The following HDAC9 variants were observed in gnomAD, a reference collection of about 807,000 sequenced individuals.
The protein encoded by HDAC9 is histone deacetylase 9.
HDAC9 carries 41 observed loss-of-function variants against 139.4 expected under a neutral mutation model. That is an observed-to-expected ratio of 0.29 (90% CI 0.23 to 0.38). HDAC9 has a LOEUF of 0.38. Among genes scored for constraint, HDAC9 ranks in the 10% least tolerant of loss-of-function variants. HDAC9 has a pLI of 1.00. For synonymous variants in HDAC9, 517 were observed against 476.2 expected (o/e 1.09, Z -1.12); for missense variants, 1,147 against 1,297.0 (o/e 0.88, Z 1.78).
At chr7:18,423,539 A>G (rs1789837504) in intron 1 of HDAC9, among the ~76,000 whole-genome samples, 1 of 152,246 alleles carries the variant, frequency 6.6e-6, no homozygotes. Flanking sequence ...ATAGTGACAT[A>G]AAACACAACT....
At chr7:18,232,863 A>G (rs991817149) in intron 2 of HDAC9, among the ~76,000 whole-genome samples, 3 of 152,162 alleles carry the variant, frequency 2.0e-5, no homozygotes, top group African/African-American at 7.2e-5. Context: ...TAAATCCACT[A>G]TTATCATTCT....
intron 1 of HDAC9, among the ~76,000 whole-genome samples, chr7:18,400,720 C>T (rs1300270302): frequency 6.6e-6 from 1 of 152,154 alleles, no homozygotes; most frequent in Non-Finnish European, 1.5e-5. Context: ...TAGGACTCTA[C>T]TGGATAGGAG....
intron 5 of HDAC9, 67 bp from the exon 6 acceptor site, chr7:18,593,841 G>A: frequency 6.4e-7 from 1 of 1,558,140 alleles, no homozygotes; most frequent in African/African-American, 1.4e-5. Context: ...GTGTGCAGCT[G>A]ATTATTGCTG....
intron 2 of HDAC9, among the ~76,000 whole-genome samples, chr7:18,193,175 G>T (rs997943701): frequency 6.6e-6 from 1 of 152,110 alleles, no homozygotes; most frequent in Admixed American, 6.6e-5. Context: ...ATGGGTAGTT[G>T]GTGCTTGTAA....
intron 2 of HDAC9, among the ~76,000 whole-genome samples, chr7:18,183,195 G>A (rs1789620104): frequency 6.7e-6 from 1 of 149,374 alleles, no homozygotes; most frequent in Non-Finnish European, 1.5e-5. Context: ...ATTTTTAGTA[G>A]AGACGGGGTT....
chr7:18,547,720 A>G (rs1309400449), intron 2 of HDAC9, among the ~76,000 whole-genome samples: 1 of 152,114 alleles, frequency 6.6e-6, no homozygotes, highest in African/African-American at 2.4e-5. Flanking sequence ...TTATCAGCTA[A>G]GTTTATGTAA....
intron 2 of HDAC9, among the ~76,000 whole-genome samples, chr7:18,162,841 A>G (rs1787736139): frequency 6.6e-6 from 1 of 152,092 alleles, no homozygotes; most frequent in African/African-American, 2.4e-5. Context: ...ATTTAATTAT[A>G]ATCTCAGCAC....
chr7:18,139,279 C>T (rs1249293816), intron 1 of HDAC9, among the ~76,000 whole-genome samples: 2 of 151,900 alleles, frequency 1.3e-5, no homozygotes, highest in Non-Finnish European at 2.9e-5. Flanking sequence ...GCATGTGTCA[C>T]CACGACTGGC....
rs752796141 is a variant in HDAC9, at chr7:18,835,590, C to T, written c.2586+4C>T. On this transcript the variant is annotated splice_donor_region_variant and intron_variant, in intron 20 of 25. Transcript: ENST00000686413. ...TGGCAGTGGAGCCCCAAATGAGGTT[C>T]GGTTTATTTCTTTAGAGCCCCACTT... The T allele has an allele frequency of 1.2e-6, 2 of 1,613,604 alleles. No homozygotes were observed. The highest frequency in any genetic ancestry group is 1.7e-4 in the Middle Eastern group (1 of 6,060).
intron 23 of HDAC9, among the ~76,000 whole-genome samples, chr7:18,953,704 G>A (rs559576817): frequency 6.6e-6 from 1 of 152,094 alleles, no homozygotes; most frequent in Non-Finnish European, 1.5e-5. Context: ...GTGTTCAAAT[G>A]TATAAGGTGG....
intron 25 of HDAC9, among the ~76,000 whole-genome samples, chr7:18,981,745 T>A (rs1288079438): frequency 2.6e-5 from 4 of 152,312 alleles, no homozygotes; most frequent in South Asian, 2.1e-4. Flanking sequence ...TTAGGATTAA[T>A]TTCTCCACCT....
intron 2 of HDAC9, chr7:18,162,496 A>T (rs987642224): frequency 1.5e-6 from 1 of 680,434 alleles, no homozygotes; most frequent in Non-Finnish European, 2.5e-6. Flanking sequence ...TGAATTTTGC[A>T]TTCGATAGCT....
intron 1 of HDAC9, among the ~76,000 whole-genome samples, chr7:18,393,594 C>T (rs755069128): frequency 2.0e-5 from 3 of 152,118 alleles, no homozygotes; most frequent in East Asian, 1.9e-4. Flanking sequence ...CATCTGGAGT[C>T]GATTTTTGTT....
At chr7:18,556,685 C>A (rs1173269186) in intron 2 of HDAC9, among the ~76,000 whole-genome samples, 2 of 152,024 alleles carry the variant, frequency 1.3e-5, no homozygotes, top group African/African-American at 4.8e-5. Context: ...TTAAAAATTA[C>A]TGTCACTTAT....
chr7:18,714,384 G>T (rs992139789), intron 12 of HDAC9, among the ~76,000 whole-genome samples: 1 of 152,204 alleles, frequency 6.6e-6, no homozygotes, highest in Non-Finnish European at 1.5e-5. Flanking sequence ...GCTATTTGCT[G>T]ACTTGCTGTT....
chr7:18,236,649 C>G (rs1793835745), intron 2 of HDAC9, among the ~76,000 whole-genome samples: 1 of 151,972 alleles, frequency 6.6e-6, no homozygotes, highest in Admixed American at 6.5e-5. Flanking sequence ...TGGAATGAAC[C>G]AAACAGATGA....
At chr7:18,601,375 G>C (rs1156728869) in intron 6 of HDAC9, among the ~76,000 whole-genome samples, 1 of 151,894 alleles carries the variant, frequency 6.6e-6, no homozygotes. Flanking sequence ...GTTGTCATTG[G>C]TTCTTTGGGA....
intron 23 of HDAC9, among the ~76,000 whole-genome samples, chr7:18,937,030 ATTTTTTT>A (rs768350029): frequency 2.1e-3 from 199 of 96,700 alleles, no homozygotes; most frequent in African/African-American, 6.1e-3. Context: ...GCTCTTGTTA[ATTTTTTT>A]TTTTTTTTTT....
At chr7:18,103,655 T>A (rs1165989430) in intron 1 of HDAC9, among the ~76,000 whole-genome samples, 1 of 152,152 alleles carries the variant, frequency 6.6e-6, no homozygotes, top group East Asian at 1.9e-4. Context: ...CACTTATCGT[T>A]ATGGATAGGT....
Sources: allele counts gnomAD v4.1 joint callset (sites outside exome capture counted in the v4.1 genomes callset), GRCh38; gene constraint gnomAD v4.1.1; transcripts MANE v1.5; gene names NCBI Gene and HGNC (gene_info 2026-07-23, HGNC 2026-07-21).